TENM3: variants seen among roughly 807,000 people sequenced by gnomAD.
TENM3 encodes the protein teneurin-3.
TENM3 carries 63 observed loss-of-function variants against 255.1 expected under a neutral mutation model. The observed-to-expected ratio is 0.25, with a 90% confidence interval of 0.20 to 0.30. TENM3 has a LOEUF of 0.30. Among genes scored for constraint, TENM3 ranks in the 10% least tolerant of loss-of-function variants. The pLI, the probability that TENM3 is intolerant of heterozygous loss-of-function variation, is 1.00. For synonymous variants in TENM3, 1,306 were observed against 1,322.3 expected, an observed-to-expected ratio of 0.99 and a Z score of 0.27; for missense variants, 2,929 against 3,461.1, an observed-to-expected ratio of 0.85 and a Z score of 3.86.
chr4:181,465,182 GA>G, the TENM3 span, among the ~76,000 whole-genome samples: 31,924 of 149,802 alleles, frequency 0.21, 3,547 homozygotes, highest in Middle Eastern at 0.26. Context: ...ATTTTTGAAA[GA>G]AAAAAAATTG....
At chr4:182,117,084 C>T in the TENM3 span, among the ~76,000 whole-genome samples, 1 of 152,218 alleles carries the variant, frequency 6.6e-6, no homozygotes, top group South Asian at 2.1e-4. Context: ...CATTGTGTAT[C>T]TTCCTTGGTG....
the TENM3 span, among the ~76,000 whole-genome samples, chr4:181,795,804 A>G: frequency 6.6e-6 from 1 of 152,200 alleles, no homozygotes; most frequent in South Asian, 2.1e-4. Flanking sequence ...TATGCCATGT[A>G]AAAATACCTT....
chr4:182,037,671 T>G, the TENM3 span, among the ~76,000 whole-genome samples: 1 of 152,268 alleles, frequency 6.6e-6, no homozygotes, highest in African/African-American at 2.4e-5. Context: ...TAAATGTTGT[T>G]TTCATACATT....
At chr4:182,485,481 C>A (rs960890839) in intron 3 of TENM3, among the ~76,000 whole-genome samples, 1 of 152,010 alleles carries the variant, frequency 6.6e-6, no homozygotes, top group African/African-American at 2.4e-5. Context: ...TAAATTTAAC[C>A]AAGTAACTAT....
intron 25 of TENM3, among the ~76,000 whole-genome samples, chr4:182,791,891 T>C (rs1357914742): frequency 6.6e-6 from 1 of 152,176 alleles, no homozygotes; most frequent in East Asian, 1.9e-4. Context: ...TAATTGCTAA[T>C]TATGGATAGA....
the TENM3 span, among the ~76,000 whole-genome samples, chr4:181,892,681 T>C: frequency 6.6e-6 from 1 of 152,152 alleles, no homozygotes; most frequent in African/African-American, 2.4e-5. Flanking sequence ...TCTCTGTTTC[T>C]GCTAAATCCT....
the TENM3 span, among the ~76,000 whole-genome samples, chr4:181,584,533 C>A: frequency 6.6e-6 from 1 of 152,308 alleles, no homozygotes; most frequent in East Asian, 1.9e-4. Flanking sequence ...TAAACACCTT[C>A]ATTGGTTAGA....
the TENM3 span, among the ~76,000 whole-genome samples, chr4:181,553,363 A>G: frequency 1.3e-5 from 2 of 151,806 alleles, no homozygotes; most frequent in African/African-American, 2.4e-5. Context: ...TATGTGTAAT[A>G]TAGATATATT....
intron 3 of TENM3, among the ~76,000 whole-genome samples, chr4:182,495,072 T>C (rs1735651919): frequency 6.6e-6 from 1 of 152,174 alleles, no homozygotes; most frequent in African/African-American, 2.4e-5. Context: ...GGCTGTGATA[T>C]TAATGAATTA....
chr4:181,997,217 T>C, the TENM3 span, among the ~76,000 whole-genome samples: 3 of 152,088 alleles, frequency 2.0e-5, no homozygotes, highest in African/African-American at 7.2e-5. Flanking sequence ...AAATAGTTGG[T>C]TTTATTGGTG....
chr4:182,345,388 A>C (rs1764736169), intron 2 of TENM3, among the ~76,000 whole-genome samples: 1 of 152,238 alleles, frequency 6.6e-6, no homozygotes, highest in Non-Finnish European at 1.5e-5. Context: ...TCTCATATCA[A>C]CCTATTAGCA....
intron 4 of TENM3, among the ~76,000 whole-genome samples, chr4:182,608,307 G>A (rs72629640): frequency 0.18 from 27,030 of 152,034 alleles, 2,934 homozygotes; most frequent in South Asian, 0.28. Context: ...ATGCTAGAGT[G>A]CATTGGCACA....
the TENM3 span, among the ~76,000 whole-genome samples, chr4:181,772,519 T>A: frequency 3.9e-5 from 6 of 152,290 alleles, no homozygotes; most frequent in Non-Finnish European, 7.4e-5. Context: ...ACTTTGATTT[T>A]AAAAAAATGT....
chr4:182,107,267 G>C, the TENM3 span, among the ~76,000 whole-genome samples: 1 of 151,952 alleles, frequency 6.6e-6, no homozygotes, highest in Admixed American at 6.6e-5. Context: ...ATCCCTCAAG[G>C]CTCTGGAAAG....
intron 5 of TENM3, among the ~76,000 whole-genome samples, chr4:182,632,417 A>C (rs991852976): frequency 6.6e-6 from 1 of 151,960 alleles, no homozygotes; most frequent in East Asian, 1.9e-4. Context: ...TAGTCATTAC[A>C]TCTATTTATC....
At chr4:182,778,552 C>T (rs1764882052) in intron 24 of TENM3, among the ~76,000 whole-genome samples, 1 of 152,188 alleles carries the variant, frequency 6.6e-6, no homozygotes, top group African/African-American at 2.4e-5. Context: ...GGGAATGAGC[C>T]TGCCCTTCCT....
At chr4:181,736,937 C>T in the TENM3 span, among the ~76,000 whole-genome samples, 1 of 151,986 alleles carries the variant, frequency 6.6e-6, no homozygotes, top group East Asian at 1.9e-4. Flanking sequence ...AACACGTGGC[C>T]CATAACACAA....
At chr4:182,429,395 G>A (rs1771463399) in intron 3 of TENM3, among the ~76,000 whole-genome samples, 1 of 152,066 alleles carries the variant, frequency 6.6e-6, no homozygotes. Context: ...AAGTTTATTT[G>A]CCTACACATA....
At chr4:182,400,578 A>G (rs79962142) in intron 3 of TENM3, among the ~76,000 whole-genome samples, 17 of 152,202 alleles carry the variant, frequency 1.1e-4, no homozygotes, top group Non-Finnish European at 2.9e-5. Flanking sequence ...ATCTTTGTGG[A>G]TGAGAAAAAT....
Sources: allele counts gnomAD v4.1 joint callset (sites outside exome capture counted in the v4.1 genomes callset), GRCh38; gene constraint gnomAD v4.1.1; transcripts MANE v1.5; gene names NCBI Gene and HGNC (gene_info 2026-07-23, HGNC 2026-07-21).